Variants in RETREG2 observed in about 807,000 individuals in gnomAD.
RETREG2 encodes the protein reticulophagy regulator family member 2.
Under a neutral mutation model 51.6 loss-of-function variants are expected in RETREG2, and 21 were observed. The ratio of observed to expected loss-of-function variants is 0.41; its 90% CI spans 0.29 to 0.59. RETREG2 has a LOEUF of 0.59. Among genes scored for constraint, RETREG2 ranks in the 20% least tolerant of loss-of-function variants. The pLI is 0.34. For synonymous variants in RETREG2, 339 were observed against 288.6 expected (o/e 1.17, Z -1.77); for missense variants, 674 against 646.0 (o/e 1.04, Z -0.47).
At position 219,184,821 on chromosome 2, in the gene RETREG2, GT is replaced by G. The variant is rs1330262588; in HGVS notation, c.*2193del. The G allele has an allele frequency of 1.9e-5, 1 of 51,584 alleles. No individual in the cohort carries two copies. The highest frequency in any genetic ancestry group is 4.8e-5 in the African/African-American group (1 of 20,798). The allele number at this position is 51,584 out of a possible 1,614,324, so 3.2% of individuals were successfully genotyped here. The stretch of plus-strand genomic sequence containing the variant: ...TTGTTGTTTTGGTTTTTTGTTTTTT[GT>G]GGGTTTTTTTTTTTTTTTTTTTGAG... On this transcript the variant is annotated 3_prime_UTR_variant, in exon 9 of 9. Transcript: ENST00000430297.
chr2:219,182,556 C>A lies in RETREG2; in HGVS notation c.1559C>A (p.Ala520Asp). The A allele has an allele frequency of 6.2e-7, 1 of 1,614,178 alleles. No individual in the cohort carries two copies. The highest frequency in any genetic ancestry group is 1.1e-5 in the South Asian group (1 of 91,082). The change falls in exon 9 of 9, where the codon GCT becomes GAT. Residue 520 changes from alanine (A) to aspartate (D), a missense_variant. Transcript: ENST00000430297. The stretch of plus-strand genomic sequence containing the variant: ...GAGACACCGCCAAAACCCCCTGATG[C>A]TCCACCCCTGGGGCCCGACATCCAT... ...EPETPPKPPDAPPLGPDIHSL... is the reference protein window; with the variant it reads ...EPETPPKPPDDPPLGPDIHSL...
Position 219,181,684 on chromosome 2 carries a change from A to C in RETREG2, c.924A>C (p.Ser308=). 2 of 1,614,134 alleles carry C rather than the reference A, an allele frequency of 1.2e-6. No homozygotes were observed. Among genetic ancestry groups the C allele is most frequent in the African/African-American group, 1.3e-5 (1 of 75,038 alleles). ...KTALALAITD[S]ELSDEEASIL... ...CATTGGCCTTGGCCATTACAGACTC[A>C]GAGCTGTCAGATGAGGAGGCTTCTA... Residue 308 remains serine (S), a synonymous_variant, in exon 8 of 9, where the codon TCA becomes TCC. Transcript: ENST00000430297.
At position 219,182,435 on chromosome 2, in the gene RETREG2, G is replaced by A. The variant is rs369470574; in HGVS notation, c.1438G>A (p.Ala480Thr). Residue 480 changes from alanine to threonine, a missense_variant, in exon 9 of 9, where the codon GCC (alanine) becomes ACC (threonine). Ala to Thr is a moderately conservative substitution (Grantham distance 58). Transcript: ENST00000430297. ...VPQDSPQPLP[A>T]PEEEEALTTE... ...CCAGGACTCACCCCAGCCCCTGCCT[G>A]CCCCTGAGGAAGAAGAGGCACTCAC... The A allele has an allele frequency of 6.2e-7, 1 of 1,613,978 alleles. No individual in the cohort carries two copies. Among genetic ancestry groups the A allele is most frequent in the Non-Finnish European group, 8.5e-7 (1 of 1,179,984 alleles).
chr2:219,178,482 G>C lies in RETREG2; in HGVS notation c.130G>C (p.Ala44Pro). ...EATSEAEEEA[A>P]TAEAVGRLAT... ...CACCAGTGAGGCAGAGGAGGAGGCG[G>C]CCACGGCCGAGGCGGTGGGACGCCT... Residue 44 changes from alanine (A) to proline (P), a missense_variant, in exon 1 of 9, where the codon GCC becomes CCC. Physicochemically the swap from Ala to Pro is conservative, Grantham distance 27 (BLOSUM62 -1). Transcript: ENST00000430297. 8.5e-7 allele frequency: 1 copy of C among 1,179,698 alleles called. No individual in the cohort carries two copies. The allele number at this position is 1,179,698 out of a possible 1,614,324, so 73.1% of individuals were successfully genotyped here.
chr2:219,181,983 C>T, intron 8 of RETREG2, 30 bp from the exon 9 acceptor site: 1 of 1,605,652 alleles, frequency 6.2e-7, no homozygotes, highest in Non-Finnish European at 8.5e-7. Flanking sequence ...CAGCAGCAGG[C>T]CCATTCTTAA....
chr2:219,182,882 A>T lies in RETREG2; in HGVS notation c.*253A>T. On this transcript the variant is annotated 3_prime_UTR_variant, in exon 9 of 9. Transcript: ENST00000430297. Reference sequence around the variant, plus strand: ...TAGTGGATGTGAACAGGGCTAGGGAAGTCCTTCCCACAGCCTGCGCTTGCC... The same window carrying T: ...TAGTGGATGTGAACAGGGCTAGGGATGTCCTTCCCACAGCCTGCGCTTGCC... 2 of 523,454 alleles carry T rather than the reference A, an allele frequency of 3.8e-6. No homozygotes were observed. The highest frequency in any genetic ancestry group is 6.9e-6 in the Non-Finnish European group (2 of 290,738). The allele number at this position is 523,454 out of a possible 1,614,324, so 32.4% of individuals were successfully genotyped here.
chr2:219,181,317 C>T, intron 6 of RETREG2, 52 bp from the exon 7 acceptor site: 4 of 1,606,738 alleles, frequency 2.5e-6, no homozygotes, highest in Non-Finnish European at 2.6e-6. Flanking sequence ...GTGTTTGTCT[C>T]CCCTCCCATC....
At position 219,182,757 on chromosome 2, in the gene RETREG2, A is replaced by G. The variant is rs951570222; in HGVS notation, c.*128A>G. 6 of 1,110,212 alleles carry G rather than the reference A, an allele frequency of 5.4e-6. No homozygotes were observed. Among genetic ancestry groups the G allele is most frequent in the South Asian group, 1.5e-5 (1 of 66,990 alleles). 68.8% of individuals were successfully genotyped at this position (1,110,212 alleles called of 1,614,324 possible). A position where few individuals can be genotyped will look rare whatever the true frequency, so the allele number is the denominator to read the frequency against. The stretch of plus-strand genomic sequence containing the variant: ...GGAAGCTGGCTGTCGGATGGTAGCT[A>G]TTCCACCCTCTGCCTGCCTGCCTGC... On this transcript the variant is annotated 3_prime_UTR_variant, in exon 9 of 9. Coordinates refer to ENST00000430297, the MANE Select transcript of RETREG2 (RefSeq NM_024293.6).
In RETREG2 at chr2:219,182,104, A is replaced by G. The variant is rs1243189646; in HGVS notation, c.1107A>G (p.Glu369=). The G allele has an allele frequency of 6.2e-7, 1 of 1,614,002 alleles. No individual in the cohort carries two copies. Among genetic ancestry groups the G allele is most frequent in the African/African-American group, 1.3e-5 (1 of 74,918 alleles). ...AGGAGGGAGAGCTGGCCCCTCCCGA[A>G]GACCTACTAGGCCGTCCTCAAGCTC... ...EGEEGELAPP[E]DLLGRPQALS... is the part of the protein sequence containing the mutation. Residue 369 remains glutamate, a synonymous_variant, in exon 9 of 9, where the codon GAA becomes GAG. Transcript: ENST00000430297.
Position 219,180,715 on chromosome 2 carries a change from G to A in RETREG2, c.601G>A (p.Gly201Arg). 1 of 1,614,024 alleles carries A rather than the reference G, an allele frequency of 6.2e-7. No individual in the cohort carries two copies. Among genetic ancestry groups the A allele is most frequent in the Non-Finnish European group, 8.5e-7 (1 of 1,179,908 alleles). Residue 201 changes from glycine (G) to arginine (R), a missense_variant, in exon 5 of 9, where the codon GGA (glycine) becomes AGA (arginine). Transcript: ENST00000430297. ...CSGCAVLAVL[G>R]HYVPGIMISY... ...TGGCTGTGCTGTGTTGGCTGTGTTG[G>A]GACACTATGTTCCAGGGATTATGAT...
In RETREG2 at chr2:219,182,253, C is replaced by A. The variant is rs3731900; in HGVS notation, c.1256C>A (p.Pro419Gln). Residue 419 changes from proline to glutamine, a missense_variant, in exon 9 of 9, where the codon CCA (proline) becomes CAA (glutamine). Coordinates refer to ENST00000430297, the MANE Select transcript of RETREG2 (RefSeq NM_024293.6). ...NTHFNGAGSP[P>Q]DGVKCSPGGP... ...CACTTCAATGGGGCAGGGTCCCCCC[C>A]AGATGGAGTGAAATGCTCCCCTGGA... 0.59 allele frequency: 949,059 copies of A among 1,613,712 alleles called. 287,199 individuals carry two copies. The highest frequency in any genetic ancestry group is 0.62 in the Non-Finnish European group (736,162 of 1,179,910).
intron 5 of RETREG2, 22 bp from the exon 6 acceptor site, chr2:219,181,040 A>G (rs761337761): frequency 6.2e-7 from 1 of 1,612,494 alleles, no homozygotes; most frequent in Non-Finnish European, 8.5e-7. Context: ...GGGAGCTCTT[A>G]GTTCACGTTC....
Position 219,180,241 on chromosome 2 carries a change from C to T in RETREG2, c.551C>T (p.Ala184Val). 2 of 1,614,186 alleles carry T rather than the reference C, an allele frequency of 1.2e-6. No homozygotes were observed. The highest frequency in any genetic ancestry group is 1.7e-6 in the Non-Finnish European group (2 of 1,180,034). ...CTGCAGTACAAGAGGCAGAATCCAG[C>T]TCAGGTAACCTCCCCTACATCATAC... ...ELLQYKRQNP[A>V]QFCVRVCSGC... The change falls in exon 4 of 9, where the codon GCT becomes GTT. Residue 184 changes from alanine (A) to valine (V), a missense_variant. Ala to Val is a moderately conservative substitution (Grantham distance 64). Coordinates refer to ENST00000430297, the MANE Select transcript of RETREG2 (RefSeq NM_024293.6).
Position 219,184,167 on chromosome 2 carries a change from C to A in RETREG2, c.*1538C>A, listed in dbSNP as rs982040674. On this transcript the variant is annotated 3_prime_UTR_variant, in exon 9 of 9. Coordinates refer to ENST00000430297, the MANE Select transcript of RETREG2 (RefSeq NM_024293.6). ...GCAAATGCATCAGACAGCCCCTGTC[C>A]ATTAATAGGGCACAGGTAGGAAGAT... The A allele has an allele frequency of 3.3e-5, 5 of 152,170 alleles. No homozygotes were observed. The highest frequency in any genetic ancestry group is 1.2e-4 in the African/African-American group (5 of 41,430). The allele number at this position is 152,170 out of a possible 1,614,324, so 9.4% of individuals were successfully genotyped here. A position where few individuals can be genotyped will look rare whatever the true frequency, so the allele number is the denominator to read the frequency against.
At position 219,181,767 on chromosome 2, in the gene RETREG2, T is replaced by C. The variant is rs1950282702; in HGVS notation, c.1007T>C (p.Val336Ala). Residue 336 changes from valine (V) to alanine (A), a missense_variant, in exon 8 of 9, where the codon GTC (valine) becomes GCC (alanine). Transcript: ENST00000430297. ...SRATTPQLTDVSEDLDQQSLP... is the reference protein window; with the variant it reads ...SRATTPQLTDASEDLDQQSLP... The stretch of plus-strand genomic sequence containing the variant: ...GCCACAACTCCGCAGCTGACTGATG[T>C]CTCCGAGGGTATGGGGAGCCCTTTG... 3 of 1,613,530 alleles carry C rather than the reference T, an allele frequency of 1.9e-6. No homozygotes were observed. Among genetic ancestry groups the C allele is most frequent in the Non-Finnish European group, 2.5e-6 (3 of 1,179,840 alleles).
At chr2:219,178,719 T>C (rs1220177235) in intron 1 of RETREG2, 86 bp downstream of exon 1, 9 of 1,370,440 alleles carry the variant, frequency 6.6e-6, no homozygotes, top group Non-Finnish European at 8.6e-6. Context: ...GGGTTATCAC[T>C]TGGCCTGGGG....
chr2:219,182,233 C>A lies in RETREG2; in HGVS notation c.1236C>A (p.Phe412Leu). Reference sequence around the variant, plus strand: ...CCCTCCACTTTGTGAACACGCACTTCAATGGGGCAGGGTCCCCCCCAGATG... The same window carrying A: ...CCCTCCACTTTGTGAACACGCACTTAAATGGGGCAGGGTCCCCCCCAGATG... ...SSPLHFVNTH[F>L]NGAGSPPDGV... Residue 412 changes from phenylalanine to leucine, a missense_variant, in exon 9 of 9, where the codon TTC becomes TTA. Physicochemically the swap from Phe to Leu is conservative, Grantham distance 22. Coordinates refer to ENST00000430297, the MANE Select transcript of RETREG2 (RefSeq NM_024293.6). 6.2e-7 allele frequency: 1 copy of A among 1,614,146 alleles called. No homozygotes were observed. The highest frequency in any genetic ancestry group is 2.2e-5 in the East Asian group (1 of 44,884).
rs1559224136 is a variant in RETREG2, at chr2:219,184,823, G to GTTTT, written c.*2194_*2195insTTTT. The GTTTT allele has an allele frequency of 1.9e-4, 6 of 30,804 alleles. No individual in the cohort carries two copies. The Admixed American group carries it at 2.1e-3, about 11-fold the overall frequency. 1.9% of individuals were successfully genotyped at this position (30,804 alleles called of 1,614,324 possible). Reference sequence around the variant, plus strand: ...GTTGTTTTGGTTTTTTGTTTTTTGTGGGTTTTTTTTTTTTTTTTTTTGAGA... The same window carrying GTTTT: ...GTTGTTTTGGTTTTTTGTTTTTTGTGTTTTGGTTTTTTTTTTTTTTTTTTTGAGA... On this transcript the variant is annotated 3_prime_UTR_variant, in exon 9 of 9. Transcript: ENST00000430297.
chr2:219,180,806 C>T (rs770923540), intron 5 of RETREG2, 52 bp downstream of exon 5: 6 of 1,588,972 alleles, frequency 3.8e-6, no homozygotes, highest in African/African-American at 1.3e-5. Context: ...TTCTTCTTTC[C>T]TTGGACTGAC....
Sources: allele counts gnomAD v4.1 joint callset, GRCh38; gene constraint gnomAD v4.1.1; transcripts MANE v1.5; gene names NCBI Gene and HGNC (gene_info 2026-07-23, HGNC 2026-07-21).